NLRP7: variants seen among roughly 807,000 people sequenced by gnomAD.
NLRP7 encodes NLR family pyrin domain containing 7, also known as NACHT, LRR and PYD domains-containing protein 7.
Under a neutral mutation model 85.5 loss-of-function variants are expected in NLRP7, and 72 were observed. That is an observed-to-expected ratio of 0.84 (90% CI 0.70 to 1.02). The LOEUF (loss-of-function observed/expected upper bound fraction) is 1.02, where lower values mean the gene tolerates loss of function less well. Among genes scored for constraint, NLRP7 ranks in the 50% least tolerant of loss-of-function variants. The pLI is 0.00. For missense variants in NLRP7, 1,243 were observed against 1,219.5 expected (o/e 1.02, Z -0.29); for synonymous variants, 550 against 505.2 (o/e 1.09, Z -1.19).
intron 5 of NLRP7, among the ~76,000 whole-genome samples, chr19:54,936,863 C>T (rs1055686375): frequency 6.6e-6 from 1 of 151,818 alleles, no homozygotes; most frequent in African/African-American, 2.4e-5. Flanking sequence ...TGCAGTGAGC[C>T]GAGACCGCAC....
At chr19:54,938,146 T>C in exon 5 of NLRP7, 1 of 1,614,048 alleles carries the variant, frequency 6.2e-7, no homozygotes, top group Non-Finnish European at 8.5e-7. Flanking sequence ...AAACTTGAGG[T>C]TGCTGTTTGA....
chr19:54,925,923 C>T (rs1351213441), intron 9 of NLRP7, among the ~76,000 whole-genome samples: 8 of 151,648 alleles, frequency 5.3e-5, no homozygotes, highest in Non-Finnish European at 1.0e-4. Flanking sequence ...TGGCGTGAAC[C>T]CGGGAGGTGG....
At chr19:54,924,841 C>G (rs1227122525) in intron 9 of NLRP7, among the ~76,000 whole-genome samples, 1 of 152,108 alleles carries the variant, frequency 6.6e-6, no homozygotes, top group Non-Finnish European at 1.5e-5. Flanking sequence ...GAGGCTGAGA[C>G]AGGAGAATCG....
chr19:54,928,026 G>A (rs1419935079), intron 9 of NLRP7, among the ~76,000 whole-genome samples: 8 of 152,172 alleles, frequency 5.3e-5, no homozygotes, highest in Middle Eastern at 3.4e-3. Flanking sequence ...TCAGGAGTTC[G>A]AGACCAGCCA....
chr19:54,960,838 G>A (rs1044772186), intron 1 of NLRP7, among the ~76,000 whole-genome samples: 5 of 151,112 alleles, frequency 3.3e-5, no homozygotes, highest in East Asian at 4.0e-4. Flanking sequence ...CTCGTGATCC[G>A]CTTGCCTCGG....
At chr19:54,959,266 G>A (rs2069957313) in intron 1 of NLRP7, among the ~76,000 whole-genome samples, 1 of 146,260 alleles carries the variant, frequency 6.8e-6, no homozygotes, top group African/African-American at 2.5e-5. Flanking sequence ...ATCCTTCCGA[G>A]TAGCTGGGAT....
chr19:54,942,349 T>C (rs1031955594), intron 1 of NLRP7, among the ~76,000 whole-genome samples: 26 of 151,486 alleles, frequency 1.7e-4, no homozygotes, highest in African/African-American at 6.3e-4. Context: ...GGGCTTCCTA[T>C]ATGTACCTAT....
intron 8 of NLRP7, 34 bp downstream of exon 8, chr19:54,933,535 T>G: frequency 6.2e-7 from 1 of 1,608,072 alleles, no homozygotes; most frequent in African/African-American, 1.3e-5. Flanking sequence ...CTTGAATTCA[T>G]GTGCACACAC....
chr19:54,941,529 G>A, exon 2 of NLRP7: 2 of 1,613,932 alleles, frequency 1.2e-6, no homozygotes, highest in Non-Finnish European at 1.7e-6. Flanking sequence ...TTTCTGAGGA[G>A]GTGTTGACCA....
At chr19:54,950,445 C>G (rs1441208147), upstream of NLRP7, among the ~76,000 whole-genome samples, 2 of 152,044 alleles carry the variant, frequency 1.3e-5, no homozygotes, top group Non-Finnish European at 2.9e-5. Context: ...TCTGAGTTCC[C>G]TTAGTATTTA....
chr19:54,960,681 C>T (rs937749370), intron 1 of NLRP7, among the ~76,000 whole-genome samples: 1 of 151,988 alleles, frequency 6.6e-6, no homozygotes, highest in Admixed American at 6.6e-5. Flanking sequence ...CTGCAAGCTC[C>T]GCCTCCCGGA....
chr19:54,927,777 T>C lies in NLRP7; in HGVS notation c.2810+2722A>G. The stretch of plus-strand genomic sequence containing the variant: ...GGCATGAGGGAGCAGCTCCAGAGGC[T>C]GTTGAGGAAGAACATGGAAATCCAC... On this transcript the variant is annotated intron_variant, in intron 9 of 9. Coordinates refer to ENST00000340844, the Ensembl canonical transcript of NLRP7. 1.2e-6 allele frequency: 2 copies of C among 1,613,744 alleles called. No homozygotes were observed. The highest frequency in any genetic ancestry group is 1.7e-6 in the Non-Finnish European group (2 of 1,179,720).
At position 54,934,642 on chromosome 19, in the gene NLRP7, G is replaced by C; in HGVS notation, c.2318C>G (p.Ala773Gly). The C allele has an allele frequency of 6.2e-7, 1 of 1,613,472 alleles. No individual in the cohort carries two copies. Among genetic ancestry groups the C allele is most frequent in the East Asian group, 2.2e-5 (1 of 44,856 alleles). ...GAATTCAGCCCACTGCTCCGGGGTG[G>C]CACAGTGACCTCCCAACCTGTGAAA... is the stretch of plus-strand genomic sequence containing the variant. The change falls in exon 7 of 10, where the codon GCC becomes GGC. Residue 773 changes from alanine to glycine, a missense_variant. Physicochemically the swap from Ala to Gly is moderately conservative, Grantham distance 60 (BLOSUM62 0). Transcript: ENST00000340844. This position sits in a 1 kb window ranked among gnomAD's most constrained non-coding sequence, Gnocchi z 6.7.
At chr19:54,949,919 A>G (rs968996373), upstream of NLRP7, among the ~76,000 whole-genome samples, 12 of 152,096 alleles carry the variant, frequency 7.9e-5, no homozygotes, top group Admixed American at 3.3e-4. Flanking sequence ...TCTGGACAAA[A>G]TAGCAAGACC....
intron 1 of NLRP7, among the ~76,000 whole-genome samples, chr19:54,962,914 T>G (rs2070110480): frequency 6.6e-6 from 1 of 152,078 alleles, no homozygotes; most frequent in Non-Finnish European, 1.5e-5. Context: ...ACTTTCTTAT[T>G]CTTTCTAGGA....
At chr19:54,935,923 T>C (rs1221329940) in intron 6 of NLRP7, among the ~76,000 whole-genome samples, 2 of 151,922 alleles carry the variant, frequency 1.3e-5, no homozygotes, top group Non-Finnish European at 2.9e-5. Context: ...TGGAAAAAAC[T>C]GTCTTGTGCA....
At chr19:54,951,117 G>T (rs1212443231), upstream of NLRP7, among the ~76,000 whole-genome samples, 2 of 152,170 alleles carry the variant, frequency 1.3e-5, no homozygotes, top group African/African-American at 2.4e-5. Flanking sequence ...ACAGGGTTGG[G>T]GGTAAGGTCA....
chr19:54,943,740 G>C (rs941712622), intron 1 of NLRP7, among the ~76,000 whole-genome samples: 2 of 152,158 alleles, frequency 1.3e-5, no homozygotes, highest in African/African-American at 4.8e-5. Flanking sequence ...GTGACGTGTG[G>C]GGAAAAGGAG....
chr19:54,939,447 T>C, exon 4 of NLRP7: 1 of 1,613,802 alleles, frequency 6.2e-7, no homozygotes, highest in Non-Finnish European at 8.5e-7. Flanking sequence ...TTGGAGACTC[T>C]GTCCTGGCGG....
Sources: gnomAD v4.1 joint callset for allele counts (sites outside exome capture counted in the v4.1 genomes callset) on GRCh38, gnomAD v4.1.1 for gene constraint, Gnocchi (gnomAD v3.1) non-coding constraint, MANE v1.5 for transcripts, NCBI Gene and HGNC (gene_info 2026-07-23, HGNC 2026-07-21) for gene names.